Variants in RAP1GDS1 observed in about 807,000 individuals in gnomAD.
The protein encoded by RAP1GDS1 is RAP1, GTP-GDP dissociation stimulator 1.
RAP1GDS1 carries 35 observed loss-of-function variants against 71.1 expected under a neutral mutation model. The ratio of observed to expected loss-of-function variants is 0.49; its 90% CI spans 0.38 to 0.65. The LOEUF (loss-of-function observed/expected upper bound fraction) is 0.65. Ranked by LOEUF, RAP1GDS1 falls within the 30% of genes least tolerant of loss-of-function variation. The pLI, the probability that RAP1GDS1 is intolerant of heterozygous loss-of-function variation, is 0.00. For synonymous variants in RAP1GDS1, 229 were observed against 243.1 expected (o/e 0.94, Z 0.54); for missense variants, 663 against 706.1 (o/e 0.94, Z 0.69).
In RAP1GDS1 at chr4:98,282,159, G is replaced by T. The variant is rs188384599; in HGVS notation, c.5-11249G>T. On this transcript the variant is annotated intron_variant, in intron 1 of 14. Coordinates refer to ENST00000408927, the MANE Select transcript of RAP1GDS1 (RefSeq NM_001100427.2). Reference sequence around the variant, plus strand: ...AGGGAGGATTCCCTCTTTTTCTATTGATTGGAATAGTTTCAGAAGGAATGG... The same window carrying T: ...AGGGAGGATTCCCTCTTTTTCTATTTATTGGAATAGTTTCAGAAGGAATGG... Among the ~76,000 whole-genome samples, 296 of 152,238 alleles carry T rather than the reference G, an allele frequency of 1.9e-3. 2 individuals carry two copies. In the Middle Eastern group the frequency reaches 0.024, roughly 12 times the overall value.
intron 12 of RAP1GDS1, among the ~76,000 whole-genome samples, chr4:98,424,993 C>T (rs949349724): frequency 4.6e-5 from 7 of 152,086 alleles, no homozygotes; most frequent in African/African-American, 9.7e-5. Flanking sequence ...AGCAAAAGCA[C>T]GAGGTAACCT....
At chr4:98,282,394 C>T (rs1157957709) in intron 1 of RAP1GDS1, among the ~76,000 whole-genome samples, 3 of 152,048 alleles carry the variant, frequency 2.0e-5, no homozygotes, top group Non-Finnish European at 2.9e-5. Flanking sequence ...AGTTTATTTG[C>T]GTAGAGGTGT....
chr4:98,406,956 A>C (rs1407327904), intron 7 of RAP1GDS1, among the ~76,000 whole-genome samples: 1 of 152,156 alleles, frequency 6.6e-6, no homozygotes, highest in Non-Finnish European at 1.5e-5. Context: ...GCTATATCTC[A>C]GATCTTACGT....
At position 98,404,561 on chromosome 4, in the gene RAP1GDS1, G is replaced by T; in HGVS notation, c.722G>T (p.Arg241Ile). The change falls in exon 7 of 15, where the codon AGA becomes ATA. Residue 241 changes from arginine (R) to isoleucine (I), a missense_variant. Coordinates refer to ENST00000408927, the MANE Select transcript of RAP1GDS1 (RefSeq NM_001100427.2). ...AAGAAACAAATAGAACATGATAAGA[G>T]AGAAATGATTTTTGAAGTTCTTGCT... Reference protein sequence around the residue: ...LFKKQIEHDKREMIFEVLAPL... With the variant: ...LFKKQIEHDKIEMIFEVLAPL... The T allele has an allele frequency of 1.2e-6, 2 of 1,604,868 alleles. No homozygotes were observed. The highest frequency in any genetic ancestry group is 1.1e-5 in the South Asian group (1 of 88,836).
At chr4:98,376,243 C>T (rs1741164483) in intron 4 of RAP1GDS1, among the ~76,000 whole-genome samples, 1 of 151,992 alleles carries the variant, frequency 6.6e-6, no homozygotes, top group African/African-American at 2.4e-5. Context: ...GAAGTGACAG[C>T]TCAGGATGCT....
At chr4:98,439,674 T>C (rs1172318893) in intron 14 of RAP1GDS1, among the ~76,000 whole-genome samples, 1 of 152,236 alleles carries the variant, frequency 6.6e-6, no homozygotes, top group Non-Finnish European at 1.5e-5. Flanking sequence ...TCTCTGATTA[T>C]TTCCCTTGTC....
chr4:98,409,775 A>G, intron 7 of RAP1GDS1: 1 of 450,706 alleles, frequency 2.2e-6, no homozygotes. Context: ...AGGTGTTTTC[A>G]AGATAAAAGG....
intron 2 of RAP1GDS1, among the ~76,000 whole-genome samples, chr4:98,312,578 G>A (rs1730386369): frequency 6.6e-6 from 1 of 152,064 alleles, no homozygotes; most frequent in Non-Finnish European, 1.5e-5. Flanking sequence ...GTACGTTTGT[G>A]TTCTTACTTG....
intron 13 of RAP1GDS1, 34 bp downstream of exon 13, chr4:98,434,096 A>G (rs758340967): frequency 6.2e-6 from 10 of 1,605,036 alleles, no homozygotes; most frequent in Middle Eastern, 1.7e-4. Context: ...ATTTTCTTCT[A>G]TTTTTATCTT....
At chr4:98,339,856 T>G (rs776016365) in intron 2 of RAP1GDS1, among the ~76,000 whole-genome samples, 2 of 152,196 alleles carry the variant, frequency 1.3e-5, no homozygotes, top group Non-Finnish European at 2.9e-5. Context: ...GCTTATACAA[T>G]GCTGGTGGGA....
intron 6 of RAP1GDS1, among the ~76,000 whole-genome samples, chr4:98,399,715 C>A (rs187794734): frequency 3.9e-4 from 60 of 152,218 alleles, no homozygotes; most frequent in Non-Finnish European, 6.8e-4. Context: ...AAATGCAAAT[C>A]GAAACCACAA....
At chr4:98,357,403 G>A (rs926933531) in intron 4 of RAP1GDS1, among the ~76,000 whole-genome samples, 1 of 151,796 alleles carries the variant, frequency 6.6e-6, no homozygotes, top group African/African-American at 2.4e-5. Context: ...ATGTGTATAA[G>A]AATAAACAAC....
At chr4:98,344,321 AC>A (rs1228661333) in intron 3 of RAP1GDS1, among the ~76,000 whole-genome samples, 2 of 151,902 alleles carry the variant, frequency 1.3e-5, no homozygotes, top group African/African-American at 4.8e-5. Context: ...ACCTGGACCA[AC>A]CCCTATCTGA....
intron 5 of RAP1GDS1, among the ~76,000 whole-genome samples, chr4:98,383,038 A>G (rs1378242538): frequency 6.6e-6 from 1 of 151,690 alleles, no homozygotes; most frequent in East Asian, 1.9e-4. Flanking sequence ...GAAACAAACC[A>G]GTGATCTAAA....
chr4:98,376,429 G>C (rs1315419958), intron 4 of RAP1GDS1, among the ~76,000 whole-genome samples: 4 of 152,016 alleles, frequency 2.6e-5, no homozygotes, highest in Non-Finnish European at 5.9e-5. Context: ...ATATGGACTT[G>C]TGCAATGATA....
chr4:98,418,459 A>G (rs550830192), intron 9 of RAP1GDS1, among the ~76,000 whole-genome samples, 198 bp from the exon 10 acceptor site: 1 of 152,160 alleles, frequency 6.6e-6, no homozygotes, highest in Non-Finnish European at 1.5e-5. Context: ...TAAAACTTTT[A>G]TCTAGTTTAA....
chr4:98,386,467 A>G (rs527967533), intron 5 of RAP1GDS1, among the ~76,000 whole-genome samples: 1 of 152,050 alleles, frequency 6.6e-6, no homozygotes, highest in South Asian at 2.1e-4. Flanking sequence ...GAACCCAGAA[A>G]GAACCTTAGA....
chr4:98,401,530 C>T (rs1006046703), intron 6 of RAP1GDS1, among the ~76,000 whole-genome samples: 26 of 152,122 alleles, frequency 1.7e-4, no homozygotes, highest in African/African-American at 5.3e-4. Flanking sequence ...AAAAGAGCTT[C>T]ATGTATTTGT....
intron 1 of RAP1GDS1, among the ~76,000 whole-genome samples, chr4:98,270,028 A>G (rs1361290522): frequency 1.3e-5 from 2 of 152,220 alleles, no homozygotes; most frequent in Non-Finnish European, 2.9e-5. Context: ...TAACTACAAG[A>G]TCAAAGTGCC....
Sources: gnomAD v4.1 joint callset for allele counts (sites outside exome capture counted in the v4.1 genomes callset) on GRCh38, gnomAD v4.1.1 for gene constraint, MANE v1.5 for transcripts, NCBI Gene and HGNC (gene_info 2026-07-23, HGNC 2026-07-21) for gene names.